The following SLAIN1 variants were observed in gnomAD, a reference collection of about 807,000 sequenced individuals.
The protein encoded by SLAIN1 is SLAIN family member 1, also known as SLAIN motif-containing protein 1.
A neutral mutation model predicts 55.4 loss-of-function variants in SLAIN1; 17 were observed. The ratio of observed to expected loss-of-function variants is 0.31; its 90% confidence interval spans 0.21 to 0.46. SLAIN1 has a LOEUF of 0.46. Among genes scored for constraint, SLAIN1 ranks in the 20% least tolerant of loss-of-function variants. SLAIN1 has a pLI of 1.00. For missense variants in SLAIN1, 682 were observed against 785.1 expected (o/e 0.87, Z 1.57); for synonymous variants, 348 against 337.4 (o/e 1.03, Z -0.35).
intron 2 of SLAIN1, among the ~76,000 whole-genome samples, chr13:77,727,316 T>C (rs561873896): frequency 3.3e-5 from 5 of 152,048 alleles, no homozygotes; most frequent in African/African-American, 4.8e-5. Flanking sequence ...AAGATGGAGG[T>C]CTATACCTAA....
Position 77,741,136 on chromosome 13 carries a change from T to A in SLAIN1, c.767-3147T>A, listed in dbSNP as rs1296457527. On this transcript the variant is annotated intron_variant, in intron 2 of 6. Coordinates refer to ENST00000418532, the MANE Select transcript of SLAIN1 (RefSeq NM_001242868.2). ...CTTGTGATGTGCTGCCGCCCGCATCTGTGGGTGAGAACACGCAGTTACTGT... is the reference window on the plus strand; with the variant it reads ...CTTGTGATGTGCTGCCGCCCGCATCAGTGGGTGAGAACACGCAGTTACTGT... 5.1e-6 allele frequency: 5 copies of A among 985,222 alleles called. No individual in the cohort carries two copies. In the East Asian group the frequency reaches 5.7e-4, roughly 112 times the overall value. The allele number at this position is 985,222 out of a possible 1,614,324, so 61.0% of individuals were successfully genotyped here. A position where few individuals can be genotyped will look rare whatever the true frequency, so the allele number is the denominator to read the frequency against.
intron 2 of SLAIN1, among the ~76,000 whole-genome samples, chr13:77,722,740 T>C (rs571014938): frequency 6.6e-6 from 1 of 152,298 alleles, no homozygotes; most frequent in African/African-American, 2.4e-5. Flanking sequence ...TTATCATTTC[T>C]TTTTCCATCT....
intron 2 of SLAIN1, among the ~76,000 whole-genome samples, chr13:77,720,240 A>C (rs2091248687): frequency 6.6e-6 from 1 of 152,184 alleles, no homozygotes; most frequent in Non-Finnish European, 1.5e-5. Flanking sequence ...GTTCCTTGCT[A>C]TTTGATGCAG....
chr13:77,745,605 C>CT (rs2154410460), intron 3 of SLAIN1, among the ~76,000 whole-genome samples: 1 of 152,154 alleles, frequency 6.6e-6, no homozygotes, highest in Admixed American at 6.6e-5. Context: ...TTGGAGTTAT[C>CT]TTTTCCACCA....
At position 77,698,559 on chromosome 13, in the gene SLAIN1, C is replaced by T. The variant is rs1162567053; in HGVS notation, c.626+20C>T. The T allele has an allele frequency of 2.1e-6, 3 of 1,404,016 alleles. No homozygotes were observed. In the East Asian group the frequency reaches 8.5e-5, roughly 40 times the overall value. The allele number at this position is 1,404,016 out of a possible 1,614,324, so 87.0% of individuals were successfully genotyped here. On this transcript the variant is annotated intron_variant, in intron 1 of 6. Transcript: ENST00000418532. This position sits in a 1 kb window ranked among gnomAD's most constrained non-coding sequence, Gnocchi z 4.1. ...CACCTGGTACTGCCTGGCTCCGCTC[C>T]TTCCCCGAGACCCTGGCCTCGGGGG... is the stretch of plus-strand genomic sequence containing the variant.
At chr13:77,701,140 C>G (rs2091026759) in intron 1 of SLAIN1, among the ~76,000 whole-genome samples, 1 of 152,160 alleles carries the variant, frequency 6.6e-6, no homozygotes, top group Admixed American at 6.5e-5. Context: ...TTACTGTTAA[C>G]TGTATCACCT....
At chr13:77,708,403 A>G (rs886626483) in intron 1 of SLAIN1, among the ~76,000 whole-genome samples, 2 of 152,142 alleles carry the variant, frequency 1.3e-5, no homozygotes, top group African/African-American at 2.4e-5. Context: ...CGTGCTTTAG[A>G]TAGCAGTTTC....
chr13:77,717,839 A>T (rs1039558254), intron 1 of SLAIN1, among the ~76,000 whole-genome samples: 1 of 152,190 alleles, frequency 6.6e-6, no homozygotes, highest in Non-Finnish European at 1.5e-5. Context: ...TGGTTTAGCA[A>T]TTTGTCTTAA....
intron 2 of SLAIN1, among the ~76,000 whole-genome samples, chr13:77,736,704 C>T (rs1001355496): frequency 5.9e-5 from 9 of 152,182 alleles, no homozygotes; most frequent in South Asian, 2.1e-4. Flanking sequence ...AGCCAGTAGC[C>T]TCTTTTTAGT....
At chr13:77,752,129 G>A (rs936826489) in intron 4 of SLAIN1, among the ~76,000 whole-genome samples, 6 of 151,990 alleles carry the variant, frequency 3.9e-5, no homozygotes, top group Non-Finnish European at 7.4e-5. Context: ...ATTTGGTGGC[G>A]TACTCATGAA....
At chr13:77,760,696 C>T (rs1874945046) in intron 5 of SLAIN1, 132 bp from the exon 6 acceptor site, 1 of 912,060 alleles carries the variant, frequency 1.1e-6, no homozygotes, top group Non-Finnish European at 1.7e-6. Flanking sequence ...CTGTCTGGAA[C>T]CTATATTCTG....
At chr13:77,760,290 C>A (rs1874912419) in intron 5 of SLAIN1, among the ~76,000 whole-genome samples, 1 of 152,136 alleles carries the variant, frequency 6.6e-6, no homozygotes, top group Non-Finnish European at 1.5e-5. Flanking sequence ...CAGTGCCCTT[C>A]ATTTTATAGG....
rs528246463 is a variant in SLAIN1, at chr13:77,758,270, G to T, written c.1415-2558G>T. Among the ~76,000 whole-genome samples, 10 of 151,404 alleles carry T rather than the reference G, an allele frequency of 6.6e-5. No homozygotes were observed. In the South Asian group the frequency reaches 1.7e-3, roughly 26 times the overall value. On this transcript the variant is annotated intron_variant, in intron 5 of 6. Coordinates refer to ENST00000418532, the MANE Select transcript of SLAIN1 (RefSeq NM_001242868.2). Reference sequence around the variant, plus strand: ...ATGCTCTTTGCCCACTTTTTGATGGGATTAGTTGTTTTTTTTCTTGTTGAT... The same window carrying T: ...ATGCTCTTTGCCCACTTTTTGATGGTATTAGTTGTTTTTTTTCTTGTTGAT...
Position 77,712,095 on chromosome 13 carries a change from A to G in SLAIN1, c.627-7437A>G, listed in dbSNP as rs186960229. ...AAAATAATAAGAGCTATTTATGACAAACCCACAGCCAGTATCATACTGAAT... is the reference window on the plus strand; with the variant it reads ...AAAATAATAAGAGCTATTTATGACAGACCCACAGCCAGTATCATACTGAAT... On this transcript the variant is annotated intron_variant, in intron 1 of 6. Transcript: ENST00000418532. Among the ~76,000 whole-genome samples the G allele has an allele frequency of 7.9e-3, 1,198 of 152,314 alleles. 18 individuals carry two copies. The highest frequency in any genetic ancestry group is 0.027 in the African/African-American group (1,117 of 41,576).
At chr13:77,746,485 A>G (rs1459778328) in intron 3 of SLAIN1, 29 bp from the exon 4 acceptor site, 5 of 1,541,264 alleles carry the variant, frequency 3.2e-6, no homozygotes, top group East Asian at 2.3e-5. Context: ...AGATCAAAAT[A>G]CATTAGAGTA....
rs777469775 is a variant in SLAIN1, at chr13:77,698,935, T to C, written c.626+396T>C. 3 of 1,534,010 alleles carry C rather than the reference T, an allele frequency of 2.0e-6. No homozygotes were observed. In the South Asian group the frequency reaches 3.6e-5, roughly 18 times the overall value. On this transcript the variant is annotated intron_variant, in intron 1 of 6. Coordinates refer to ENST00000418532, the MANE Select transcript of SLAIN1 (RefSeq NM_001242868.2). This position sits in a 1 kb window ranked among gnomAD's most constrained non-coding sequence, Gnocchi z 4.1. ...AGGGATGACGGGGGATGGTAGGGGT[T>C]GGCCTCTGTCTGCGACTGTTACTGT... is the stretch of plus-strand genomic sequence containing the variant.
At chr13:77,714,626 C>G (rs2091188202) in intron 1 of SLAIN1, among the ~76,000 whole-genome samples, 1 of 152,048 alleles carries the variant, frequency 6.6e-6, no homozygotes, top group African/African-American at 2.4e-5. Flanking sequence ...ACAGAACAAA[C>G]AAAACCACAA....
chr13:77,733,291 A>T (rs2154410066), intron 2 of SLAIN1, among the ~76,000 whole-genome samples: 1 of 152,256 alleles, frequency 6.6e-6, no homozygotes, highest in South Asian at 2.1e-4. Context: ...ATCAAAAGTG[A>T]TTTTCTTCAT....
At chr13:77,763,046 G>T in intron 6 of SLAIN1, 99 bp from the exon 7 acceptor site, 1 of 973,144 alleles carries the variant, frequency 1.0e-6, no homozygotes, top group Non-Finnish European at 1.6e-6. Flanking sequence ...TCTCATTACT[G>T]CAGTGGAAGA....
Sources: allele counts gnomAD v4.1 joint callset (sites outside exome capture counted in the v4.1 genomes callset), GRCh38; gene constraint gnomAD v4.1.1; non-coding constraint Gnocchi (gnomAD v3.1); transcripts MANE v1.5; gene names NCBI Gene and HGNC (gene_info 2026-07-23, HGNC 2026-07-21).